The following ANKRD13B variants were observed in gnomAD, a reference collection of about 807,000 sequenced individuals.
ANKRD13B encodes the protein ankyrin repeat domain 13B.
In ANKRD13B, 33 loss-of-function variants were observed where a neutral mutation model predicts 74.4. The observed-to-expected ratio is 0.44, with a 90% CI of 0.34 to 0.59. The LOEUF is 0.59. ANKRD13B is among the 20% of genes least tolerant of loss of function. The pLI is 0.02. For missense variants in ANKRD13B, 676 were observed against 877.9 expected, an observed-to-expected ratio of 0.77 and a Z score of 2.91; for synonymous variants, 341 against 362.9, an observed-to-expected ratio of 0.94 and a Z score of 0.68.
At position 29,611,892 on chromosome 17, in the gene ANKRD13B, C is replaced by G; in HGVS notation, c.986C>G (p.Thr329Ser). The G allele has an allele frequency of 6.2e-7, 1 of 1,612,184 alleles. No homozygotes were observed. Among genetic ancestry groups the G allele is most frequent in the Non-Finnish European group, 8.5e-7 (1 of 1,178,870 alleles). The change falls in exon 10 of 15, where the codon ACT becomes AGT. Residue 329 changes from threonine (T) to serine (S), a missense_variant. Physicochemically the swap from Thr to Ser is moderately conservative, Grantham distance 58 (BLOSUM62 1). Around this residue, in one of 4 missense-constraint regions of ANKRD13B, gnomAD observed 328 missense variants for 518.4 expected, o/e 0.63. Coordinates refer to ENST00000394859, the MANE Select transcript of ANKRD13B (RefSeq NM_152345.5). The surrounding 1 kb of genome is among the most constrained non-coding windows in gnomAD (Gnocchi z 4.3). ...GPQNGTLITQ[T>S]LSQANPTAIT... is the part of the protein sequence containing the mutation. The stretch of plus-strand genomic sequence containing the variant: ...GTGGTACAGACCCTGATCACTCAGA[C>G]TCTGAGCCAAGCCAACCCCACTGCC...
chr17:29,612,868 C>A lies in ANKRD13B; in HGVS notation c.1576-19C>A. The A allele has an allele frequency of 6.3e-7, 1 of 1,599,806 alleles. No individual in the cohort carries two copies. Among genetic ancestry groups the A allele is most frequent in the South Asian group, 1.1e-5 (1 of 90,926 alleles). ...CGGGACTCCGCGCCGCCACGGCTAA[C>A]GCCCACGCCTCCCCGCAGGTCACCA... On this transcript the variant is annotated intron_variant, in intron 13 of 14. Coordinates refer to ENST00000394859, the MANE Select transcript of ANKRD13B (RefSeq NM_152345.5). This position sits in a 1 kb window ranked among gnomAD's most constrained non-coding sequence, Gnocchi z 6.1.
intron 1 of ANKRD13B, 65 bp downstream of exon 1, chr17:29,593,800 G>A (rs530185173): frequency 9.0e-6 from 9 of 1,004,166 alleles, no homozygotes; most frequent in African/African-American, 1.7e-5. Context: ...GCCTGGGGAG[G>A]GGGTGCGGCG....
chr17:29,603,507 C>T (rs1455524144), intron 1 of ANKRD13B, among the ~76,000 whole-genome samples: 1 of 152,192 alleles, frequency 6.6e-6, no homozygotes, highest in African/African-American at 2.4e-5. Flanking sequence ...GCCAACCTCC[C>T]GCCTTGGCCT....
Position 29,613,608 on chromosome 17 carries a change from C to A in ANKRD13B, c.*26C>A. The A allele has an allele frequency of 7.2e-7, 1 of 1,395,244 alleles. No homozygotes were observed. Among genetic ancestry groups the A allele is most frequent in the Non-Finnish European group, 9.3e-7 (1 of 1,074,192 alleles). 86.4% of individuals were successfully genotyped at this position (1,395,244 alleles called of 1,614,324 possible). On this transcript the variant is annotated 3_prime_UTR_variant, in exon 15 of 15. Coordinates refer to ENST00000394859, the MANE Select transcript of ANKRD13B (RefSeq NM_152345.5). ...CGCCCCCTGCCGGGACCCTCGCCAG[C>A]GCCACGCGCGCCACGCCCAGGGCCA...
intron 1 of ANKRD13B, among the ~76,000 whole-genome samples, chr17:29,597,533 C>G (rs1255055593): frequency 6.6e-6 from 1 of 152,024 alleles, no homozygotes; most frequent in Non-Finnish European, 1.5e-5. Context: ...CTGAGGCCTG[C>G]TGGGATAAGG....
At chr17:29,607,603 C>T (rs2034433900) in intron 1 of ANKRD13B, 139 bp from the exon 2 acceptor site, 2 of 1,206,758 alleles carry the variant, frequency 1.7e-6, no homozygotes, top group African/African-American at 1.5e-5. Flanking sequence ...GTCTGTCTTT[C>T]CGTTGCCTTG....
Position 29,613,870 on chromosome 17 carries a change from G to A in ANKRD13B, c.*288G>A, listed in dbSNP as rs1436625833. ...GCTCAGATCTGTCCTGTCCTAGGGC[G>A]GAGCCAGGCGGTCCTGAGGGGGAGA... On this transcript the variant is annotated 3_prime_UTR_variant, in exon 15 of 15. Coordinates refer to ENST00000394859, the MANE Select transcript of ANKRD13B (RefSeq NM_152345.5). 3 of 417,450 alleles carry A rather than the reference G, an allele frequency of 7.2e-6. No homozygotes were observed. The highest frequency in any genetic ancestry group is 8.4e-6 in the Non-Finnish European group (2 of 238,790). The allele number at this position is 417,450 out of a possible 1,614,324, so 25.9% of individuals were successfully genotyped here. A position where few individuals can be genotyped will look rare whatever the true frequency, so the allele number is the denominator to read the frequency against.
At chr17:29,600,061 A>G (rs921935089) in intron 1 of ANKRD13B, among the ~76,000 whole-genome samples, 1 of 151,864 alleles carries the variant, frequency 6.6e-6, no homozygotes, top group Non-Finnish European at 1.5e-5. Flanking sequence ...TATTTTTAGT[A>G]GAGACGGGGT....
chr17:29,607,869 G>C lies in ANKRD13B; in HGVS notation c.242G>C (p.Gly81Ala). The C allele has an allele frequency of 6.3e-7, 1 of 1,599,530 alleles. No homozygotes were observed. The highest frequency in any genetic ancestry group is 8.5e-7 in the Non-Finnish European group (1 of 1,173,914). Residue 81 changes from glycine to alanine, a missense_variant, in exon 2 of 15, where the codon GGC (glycine) becomes GCC (alanine). Transcript: ENST00000394859. ...GADVGRENRS[G>A]WTVLQEAVST... ...GACGTGGGCAGGGAGAATCGCAGCG[G>C]CTGGACAGGTGGGCAGCCCTGCTCA...
At chr17:29,593,765 C>G (rs1240076185) in intron 1 of ANKRD13B, 30 bp downstream of exon 1, 6 of 1,331,226 alleles carry the variant, frequency 4.5e-6, no homozygotes, top group African/African-American at 1.6e-5. Flanking sequence ...GCCGCGGGGA[C>G]CCCGCGGCCG....
intron 1 of ANKRD13B, among the ~76,000 whole-genome samples, chr17:29,594,257 C>A (rs953630425): frequency 6.6e-6 from 1 of 152,166 alleles, no homozygotes; most frequent in African/African-American, 2.4e-5. Flanking sequence ...GAGCCCAGCC[C>A]CAGCTCAGGA....
At chr17:29,596,109 C>T (rs2150870496) in intron 1 of ANKRD13B, among the ~76,000 whole-genome samples, 1 of 152,378 alleles carries the variant, frequency 6.6e-6, no homozygotes, top group South Asian at 2.1e-4. Context: ...CCAGGTTTCC[C>T]TGGTCTTGGC....
chr17:29,593,657 C>A lies in ANKRD13B; in HGVS notation c.36C>A (p.Pro12=). 4 of 1,424,764 alleles carry A rather than the reference C, an allele frequency of 2.8e-6. No homozygotes were observed. Among genetic ancestry groups the A allele is most frequent in the Non-Finnish European group, 3.7e-6 (4 of 1,077,776 alleles). The allele number at this position is 1,424,764 out of a possible 1,614,324, so 88.3% of individuals were successfully genotyped here. ...IPANASARKG[P]EGKYPLHYLV... ...CCAACGCCTCCGCCAGGAAGGGGCC[C>A]GAGGGCAAGTATCCGCTGCACTACC... The change falls in exon 1 of 15, where the codon CCC becomes CCA. Residue 12 remains proline, a synonymous_variant. Coordinates refer to ENST00000394859, the MANE Select transcript of ANKRD13B (RefSeq NM_152345.5).
chr17:29,607,542 C>CGTGTCTGTCTTTCCGTTGCTCATA (rs887635735), intron 1 of ANKRD13B, among the ~76,000 whole-genome samples, 200 bp from the exon 2 acceptor site: 4 of 152,220 alleles, frequency 2.6e-5, no homozygotes, highest in Admixed American at 6.5e-5. Flanking sequence ...TTTCCATCCA[C>CGTGTCTGTCTTTCCGTTGCTCATA]GTGTCTGTCT....
chr17:29,604,687 A>G (rs1306178883), intron 1 of ANKRD13B, among the ~76,000 whole-genome samples: 3 of 151,020 alleles, frequency 2.0e-5, no homozygotes, highest in Non-Finnish European at 4.4e-5. Flanking sequence ...GATTACAGGC[A>G]CCCATCACCA....
chr17:29,613,618 G>C lies in ANKRD13B; in HGVS notation c.*36G>C. The C allele has an allele frequency of 7.2e-7, 1 of 1,395,528 alleles. No individual in the cohort carries two copies. The highest frequency in any genetic ancestry group is 9.3e-7 in the Non-Finnish European group (1 of 1,074,996). 86.4% of individuals were successfully genotyped at this position (1,395,528 alleles called of 1,614,324 possible). A position where few individuals can be genotyped will look rare whatever the true frequency, so the allele number is the denominator to read the frequency against. ...CGGGACCCTCGCCAGCGCCACGCGCGCCACGCCCAGGGCCAGGAGCCAGAC... is the reference window on the plus strand; with the variant it reads ...CGGGACCCTCGCCAGCGCCACGCGCCCCACGCCCAGGGCCAGGAGCCAGAC... On this transcript the variant is annotated 3_prime_UTR_variant, in exon 15 of 15. Coordinates refer to ENST00000394859, the MANE Select transcript of ANKRD13B (RefSeq NM_152345.5).
chr17:29,593,931 T>G, intron 1 of ANKRD13B, 196 bp downstream of exon 1: 2 of 232,894 alleles, frequency 8.6e-6, no homozygotes, highest in Non-Finnish European at 8.0e-6. Flanking sequence ...CCACACGTGT[T>G]TCGGACTCAC....
intron 1 of ANKRD13B, among the ~76,000 whole-genome samples, chr17:29,606,249 C>T (rs546983198): frequency 3.4e-4 from 51 of 151,152 alleles, no homozygotes; most frequent in Admixed American, 1.1e-3. Context: ...CCTAGACTCT[C>T]GAAATATATT....
Position 29,612,512 on chromosome 17 carries a change from C to T in ANKRD13B, c.1369C>T (p.Pro457Ser), listed in dbSNP as rs754059646. Reference sequence around the variant, plus strand: ...CAGCCCCAGCAGCGAGACGCCTTCCCCAGGCAGCGACTCCTCCAGCGTCAG... The same window carrying T: ...CAGCCCCAGCAGCGAGACGCCTTCCTCAGGCAGCGACTCCTCCAGCGTCAG... ...RGSPSSETPS[P>S]GSDSSSVSSS... Residue 457 changes from proline (P) to serine (S), a missense_variant, in exon 12 of 15, where the codon CCA becomes TCA. Transcript: ENST00000394859. This position sits in a 1 kb window ranked among gnomAD's most constrained non-coding sequence, Gnocchi z 6.1. 2.4e-5 allele frequency: 38 copies of T among 1,577,484 alleles called. No homozygotes were observed. In the South Asian group the frequency reaches 3.7e-4, roughly 15 times the overall value.
Sources: allele counts gnomAD v4.1 joint callset (sites outside exome capture counted in the v4.1 genomes callset), GRCh38; gene constraint gnomAD v4.1.1; regional missense constraint gnomAD v4.1.1; non-coding constraint Gnocchi (gnomAD v3.1); transcripts MANE v1.5; gene names NCBI Gene and HGNC (gene_info 2026-07-23, HGNC 2026-07-21).